ASTN2: variants seen among roughly 807,000 people sequenced by gnomAD.
The protein encoded by ASTN2 is astrotactin-2.
Under a neutral mutation model 139.8 loss-of-function variants are expected in ASTN2, and 54 were observed. That is an observed-to-expected ratio of 0.39 (90% CI 0.31 to 0.48). The LOEUF is 0.48. Among genes scored for constraint, ASTN2 ranks in the 20% least tolerant of loss-of-function variants. The pLI is 0.95. For missense variants in ASTN2, 1,565 were observed against 1,725.1 expected (o/e 0.91, Z 1.64); for synonymous variants, 756 against 719.5 (o/e 1.05, Z -0.81).
intron 16 of ASTN2, among the ~76,000 whole-genome samples, chr9:116,668,529 C>G (rs909934099): frequency 6.6e-6 from 1 of 152,180 alleles, no homozygotes; most frequent in African/African-American, 2.4e-5. Context: ...TAAGCTTCCT[C>G]CATGTATTTT....
At chr9:117,167,309 G>A (rs1161399921) in intron 3 of ASTN2, among the ~76,000 whole-genome samples, 20 of 151,458 alleles carry the variant, frequency 1.3e-4, no homozygotes, top group Admixed American at 1.3e-3. Context: ...CTAAATTTTT[G>A]TGACTTCAAA....
At chr9:117,309,372 G>T (rs770988646) in intron 1 of ASTN2, among the ~76,000 whole-genome samples, 1 of 152,186 alleles carries the variant, frequency 6.6e-6, no homozygotes, top group African/African-American at 2.4e-5. Context: ...GCAAAACTGA[G>T]GTTAAAAAAG....
At chr9:117,306,795 G>T (rs1835010775) in intron 1 of ASTN2, among the ~76,000 whole-genome samples, 1 of 151,998 alleles carries the variant, frequency 6.6e-6, no homozygotes, top group African/African-American at 2.4e-5. Context: ...CACCTTTTTT[G>T]AATGTTTTTC....
rs549539384 is a variant in ASTN2, at chr9:116,548,245, C to A, written c.3356-60745G>T. On this transcript the variant is annotated intron_variant, in intron 19 of 22. Coordinates refer to ENST00000313400, the MANE Select transcript of ASTN2 (RefSeq NM_001365068.1). ...TGCCTGGCTCCATCAGAGGCCGTGG[C>A]ATTTGCTTAAGGTGATTCAAAGTCG... Among the ~76,000 whole-genome samples the A allele has an allele frequency of 1.6e-3, 249 of 152,286 alleles. 2 individuals carry two copies. The highest frequency in any genetic ancestry group is 2.8e-3 in the Non-Finnish European group (190 of 68,018).
At chr9:116,453,331 C>T (rs867178601) in intron 20 of ASTN2, among the ~76,000 whole-genome samples, 24 of 151,836 alleles carry the variant, frequency 1.6e-4, no homozygotes, top group African/African-American at 4.3e-4. Context: ...TGGTGGCTCA[C>T]GCCTGTAATC....
chr9:116,879,384 C>T (rs1199386417), intron 10 of ASTN2, among the ~76,000 whole-genome samples: 2 of 126,986 alleles, frequency 1.6e-5, no homozygotes, highest in Non-Finnish European at 3.4e-5. Context: ...GACAGACAGA[C>T]AGAGAATTCA....
At chr9:116,438,218 T>G (rs1372142020) in intron 22 of ASTN2, among the ~76,000 whole-genome samples, 1 of 152,172 alleles carries the variant, frequency 6.6e-6, no homozygotes, top group African/African-American at 2.4e-5. Context: ...CACAACAGCC[T>G]CTAGAGCCTC....
intron 10 of ASTN2, among the ~76,000 whole-genome samples, chr9:116,946,982 G>A (rs1835418979): frequency 6.6e-6 from 1 of 150,538 alleles, no homozygotes; most frequent in African/African-American, 2.5e-5. Context: ...TTTCTAGGTG[G>A]GAAAAAGCAG....
At chr9:117,017,055 G>T (rs916129538) in intron 6 of ASTN2, among the ~76,000 whole-genome samples, 1 of 151,492 alleles carries the variant, frequency 6.6e-6, no homozygotes, top group East Asian at 2.0e-4. Flanking sequence ...GTTTGAGTCT[G>T]GACAAAAAAG....
At chr9:117,406,754 C>T (rs1436860728) in intron 1 of ASTN2, among the ~76,000 whole-genome samples, 2 of 151,934 alleles carry the variant, frequency 1.3e-5, no homozygotes, top group Non-Finnish European at 2.9e-5. Context: ...TCAGAACTCT[C>T]GATTCTCTTT....
intron 5 of ASTN2, among the ~76,000 whole-genome samples, chr9:117,078,181 G>T (rs1293277182): frequency 6.6e-6 from 1 of 152,146 alleles, no homozygotes; most frequent in East Asian, 1.9e-4. Context: ...GAGCATCAGA[G>T]CTAGAATAGC....
chr9:117,133,972 T>C (rs929573905), intron 4 of ASTN2, among the ~76,000 whole-genome samples: 1 of 152,038 alleles, frequency 6.6e-6, no homozygotes, highest in Non-Finnish European at 1.5e-5. Flanking sequence ...AACTATCTCA[T>C]GGTTTAAGTG....
At chr9:116,789,296 T>A (rs1830466400) in intron 13 of ASTN2, among the ~76,000 whole-genome samples, 2 of 152,196 alleles carry the variant, frequency 1.3e-5, no homozygotes, top group Admixed American at 1.3e-4. Context: ...TTAAGGTTCT[T>A]TCAAAGTCCT....
chr9:117,048,570 A>AG (rs1442323692), intron 5 of ASTN2, among the ~76,000 whole-genome samples: 1 of 152,196 alleles, frequency 6.6e-6, no homozygotes, highest in Non-Finnish European at 1.5e-5. Flanking sequence ...GGCTATTTGA[A>AG]TTTCTCTGTG....
intron 10 of ASTN2, among the ~76,000 whole-genome samples, chr9:116,884,232 C>T (rs960933751): frequency 1.3e-5 from 2 of 152,098 alleles, no homozygotes; most frequent in East Asian, 3.9e-4. Flanking sequence ...TGCTGCCTAG[C>T]AGGCCATGGA....
chr9:116,786,844 G>T (rs945887197), intron 13 of ASTN2, among the ~76,000 whole-genome samples: 1 of 152,132 alleles, frequency 6.6e-6, no homozygotes, highest in Non-Finnish European at 1.5e-5. Flanking sequence ...TGAGTCATGG[G>T]TCCTGGGAGA....
chr9:117,291,759 G>T (rs989827235), intron 1 of ASTN2, among the ~76,000 whole-genome samples: 1 of 152,206 alleles, frequency 6.6e-6, no homozygotes, highest in South Asian at 2.1e-4. Flanking sequence ...GTCTGAGGCC[G>T]TTTTTAGTAC....
chr9:116,820,804 A>G, intron 11 of ASTN2, 21 bp from the exon 12 acceptor site: 1 of 1,601,094 alleles, frequency 6.2e-7, no homozygotes, highest in Non-Finnish European at 8.5e-7. Flanking sequence ...AGAGGGCAAC[A>G]GGGTAGTTAT....
intron 2 of ASTN2, among the ~76,000 whole-genome samples, chr9:117,278,863 GGCCTTCT>G (rs1281400428): frequency 6.6e-6 from 1 of 152,076 alleles, no homozygotes; most frequent in Non-Finnish European, 1.5e-5. Context: ...TGGAGCAAGG[GGCCTTCT>G]GCTGGGTGCA....
Sources: allele counts gnomAD v4.1 joint callset (sites outside exome capture counted in the v4.1 genomes callset), GRCh38; gene constraint gnomAD v4.1.1; transcripts MANE v1.5; gene names NCBI Gene and HGNC (gene_info 2026-07-23, HGNC 2026-07-21).